Variants in SERPINE2 observed in about 807,000 individuals in gnomAD.
SERPINE2 encodes the protein serpin family E member 2.
A neutral mutation model predicts 36.3 loss-of-function variants in SERPINE2; 14 were observed. The observed-to-expected ratio is 0.39, with a 90% CI of 0.25 to 0.60. SERPINE2 has a LOEUF of 0.60. Among genes scored for constraint, SERPINE2 ranks in the 20% least tolerant of loss-of-function variants. The pLI is 0.57. For missense variants in SERPINE2, 418 were observed against 499.6 expected (o/e 0.84, Z 1.56); for synonymous variants, 192 against 191.8 (o/e 1.00, Z -0.01).
At chr2:224,000,701 G>C (rs557368800) in intron 2 of SERPINE2, among the ~76,000 whole-genome samples, 1 of 151,540 alleles carries the variant, frequency 6.6e-6, no homozygotes, top group South Asian at 2.1e-4. Flanking sequence ...TCCACCCCTC[G>C]ACAGGCCCCA....
chr2:224,033,338 C>G (rs1354323375), intron 1 of SERPINE2, among the ~76,000 whole-genome samples: 1 of 152,058 alleles, frequency 6.6e-6, no homozygotes, highest in African/African-American at 2.4e-5. Context: ...GAATATAATG[C>G]TGAATGATTT....
At position 224,024,469 on chromosome 2, in the gene SERPINE2, G is replaced by A. The variant is rs184266134; in HGVS notation, c.-23+14630C>T. 1.7e-3 allele frequency among the ~76,000 whole-genome samples: 259 copies of A among 152,302 alleles called. 1 individual carries two copies. Among genetic ancestry groups the A allele is most frequent in the African/African-American group, 5.7e-3 (237 of 41,562 alleles). On this transcript the variant is annotated intron_variant, in intron 1 of 8. Transcript: ENST00000409304. ...GCTACAGTTGATGCTAATGCCTTGT[G>A]AAGGGATTTAAGGGCCAGGGGACGT...
At chr2:224,015,353 A>G (rs1458547040) in intron 1 of SERPINE2, among the ~76,000 whole-genome samples, 3 of 152,132 alleles carry the variant, frequency 2.0e-5, no homozygotes, top group Non-Finnish European at 2.9e-5. Flanking sequence ...TGGCCAGGGA[A>G]GTGCTCCTGG....
At chr2:223,994,835 ATTG>A (rs1690814232) in intron 3 of SERPINE2, among the ~76,000 whole-genome samples, 1 of 152,250 alleles carries the variant, frequency 6.6e-6, no homozygotes, top group South Asian at 2.1e-4. Context: ...ACCAGCCTTA[ATTG>A]TTGTTAGAAT....
Position 223,983,666 on chromosome 2 carries a change from T to C in SERPINE2, c.885-885A>G, listed in dbSNP as rs529835821. Among the ~76,000 whole-genome samples, 10 of 151,306 alleles carry C rather than the reference T, an allele frequency of 6.6e-5. No individual in the cohort carries two copies. In the South Asian group the frequency reaches 1.9e-3, roughly 29 times the overall value. On this transcript the variant is annotated intron_variant, in intron 5 of 8. Transcript: ENST00000409304. ...GGTTTCTTGAATATTTGTGACCTAC[T>C]TGGCCTTGGGGATATATGGAGATAT... is the stretch of plus-strand genomic sequence containing the variant.
intron 1 of SERPINE2, among the ~76,000 whole-genome samples, chr2:224,018,870 C>T (rs951293712): frequency 3.9e-5 from 6 of 152,210 alleles, no homozygotes; most frequent in Non-Finnish European, 7.4e-5. Flanking sequence ...GCTCCTCTAT[C>T]CCCAGCCCAA....
chr2:223,984,296 T>C (rs750393402), intron 5 of SERPINE2, among the ~76,000 whole-genome samples: 15 of 152,228 alleles, frequency 9.9e-5, no homozygotes, highest in Non-Finnish European at 1.6e-4. Context: ...TAGGGTATAA[T>C]AGAAAAACTG....
Position 223,991,925 on chromosome 2 carries a change from T to TAC in SERPINE2, c.561_562dup (p.Tyr188CysfsTer68), listed in dbSNP as rs1690690636. ...CCGTGATTTCCACAGACCCTTGAAA[T>TAC]ACACTGCGTTGACGAGGACCAGTCT... On this transcript the variant is annotated frameshift_variant, in exon 4 of 9. Transcript: ENST00000409304. LOFTEE classifies it high-confidence loss of function. 1 of 1,612,992 alleles carries TAC rather than the reference T, an allele frequency of 6.2e-7. No homozygotes were observed. Among genetic ancestry groups the TAC allele is most frequent in the Non-Finnish European group, 8.5e-7 (1 of 1,179,622 alleles).
chr2:224,006,291 C>A (rs1210239159), intron 1 of SERPINE2, among the ~76,000 whole-genome samples: 1 of 152,178 alleles, frequency 6.6e-6, no homozygotes, highest in African/African-American at 2.4e-5. Context: ...GAAAAATTAT[C>A]CACTGGTGGG....
intron 4 of SERPINE2, among the ~76,000 whole-genome samples, chr2:223,988,749 A>G (rs1300510049): frequency 2.6e-5 from 4 of 152,206 alleles, no homozygotes; most frequent in Non-Finnish European, 5.9e-5. Context: ...TGAAAAACCT[A>G]TGTACAAGAA....
chr2:223,982,794 C>A lies in SERPINE2; in HGVS notation c.885-13G>T. On this transcript the variant is annotated splice_polypyrimidine_tract_variant and intron_variant, in intron 5 of 8. Coordinates refer to ENST00000409304, the MANE Select transcript of SERPINE2 (RefSeq NM_001136528.2). ...TACAGCTGTGAACCTAGCATGAAAG[C>A]AGAAATGGAGAAAAAAAATCACGAG... is the stretch of plus-strand genomic sequence containing the variant. The A allele has an allele frequency of 6.3e-7, 1 of 1,594,216 alleles. No individual in the cohort carries two copies. The highest frequency in any genetic ancestry group is 8.6e-7 in the Non-Finnish European group (1 of 1,168,102).
At chr2:223,995,498 C>A (rs1467153178) in intron 3 of SERPINE2, among the ~76,000 whole-genome samples, 1 of 152,222 alleles carries the variant, frequency 6.6e-6, no homozygotes, top group African/African-American at 2.4e-5. Flanking sequence ...CTGCTTCTCC[C>A]GTGGCTTTTC....
intron 1 of SERPINE2, among the ~76,000 whole-genome samples, chr2:224,028,055 G>A (rs1692242647): frequency 6.6e-6 from 1 of 152,208 alleles, no homozygotes; most frequent in Non-Finnish European, 1.5e-5. Context: ...TCTAGGATCG[G>A]GTTGTAAGAG....
At chr2:224,009,069 A>C (rs1216112706) in intron 1 of SERPINE2, among the ~76,000 whole-genome samples, 1 of 152,214 alleles carries the variant, frequency 6.6e-6, no homozygotes, top group Non-Finnish European at 1.5e-5. Context: ...GTGTGACAGC[A>C]GCGAGCCTCC....
intron 1 of SERPINE2, chr2:224,030,150 G>A (rs1431944888): frequency 1.2e-5 from 12 of 985,348 alleles, no homozygotes; most frequent in Non-Finnish European, 1.4e-5. Flanking sequence ...GTCAGAAGGA[G>A]GTTATTTCAT....
rs568571800 is a variant in SERPINE2, at chr2:224,015,351, G to C, written c.-22-13429C>G. Among the ~76,000 whole-genome samples, 10 of 152,286 alleles carry C rather than the reference G, an allele frequency of 6.6e-5. No individual in the cohort carries two copies. The East Asian group carries it at 1.9e-3, about 29-fold the overall frequency. Reference sequence around the variant, plus strand: ...GCCAGGGTGAGAGGCAGTGGCCAGGGAAGTGCTCCTGGGAAGGGCCACATG... The same window carrying C: ...GCCAGGGTGAGAGGCAGTGGCCAGGCAAGTGCTCCTGGGAAGGGCCACATG... On this transcript the variant is annotated intron_variant, in intron 1 of 8. Coordinates refer to ENST00000409304, the MANE Select transcript of SERPINE2 (RefSeq NM_001136528.2).
At chr2:224,012,466 G>A (rs1197019693) in intron 1 of SERPINE2, among the ~76,000 whole-genome samples, 4 of 152,036 alleles carry the variant, frequency 2.6e-5, no homozygotes, top group African/African-American at 9.7e-5. Flanking sequence ...AGCCAGGTGT[G>A]GTGGCGGGTG....
chr2:224,022,158 CAAAA>C (rs71058977), intron 1 of SERPINE2, among the ~76,000 whole-genome samples: 2 of 72,600 alleles, frequency 2.8e-5, no homozygotes, highest in Non-Finnish European at 4.9e-5. Context: ...GACTCCTTCT[CAAAA>C]AAAAAAAAAA....
chr2:224,005,331 C>A (rs1005539311), intron 1 of SERPINE2, among the ~76,000 whole-genome samples: 1 of 151,778 alleles, frequency 6.6e-6, no homozygotes, highest in Non-Finnish European at 1.5e-5. Context: ...TGTCTATGTA[C>A]AGTTTCATAA....
Sources: allele counts gnomAD v4.1 joint callset (sites outside exome capture counted in the v4.1 genomes callset), GRCh38; gene constraint gnomAD v4.1.1; transcripts MANE v1.5; gene names NCBI Gene and HGNC (gene_info 2026-07-23, HGNC 2026-07-21).